The following ME1 variants were observed in gnomAD, a reference collection of about 807,000 sequenced individuals.
The protein encoded by ME1 is malic enzyme 1, also known as NADP-dependent malic enzyme.
A neutral mutation model predicts 66.4 loss-of-function variants in ME1; 74 were observed. That is an observed-to-expected ratio of 1.11 (90% CI 0.92 to 1.35). The LOEUF is 1.35. ME1 is among the 40% of genes most tolerant of loss of function. The pLI is 0.00. For synonymous variants in ME1, 251 were observed against 235.6 expected, an observed-to-expected ratio of 1.07 and a Z score of -0.60; for missense variants, 750 against 694.1, an observed-to-expected ratio of 1.08 and a Z score of -0.90.
chr6:83,412,131 C>T (rs146916231), intron 1 of ME1, among the ~76,000 whole-genome samples: 1 of 152,032 alleles, frequency 6.6e-6, no homozygotes, highest in Non-Finnish European at 1.5e-5. Context: ...GAAACTATTG[C>T]CATAAAAACA....
At chr6:83,277,682 A>G (rs1767208713) in intron 6 of ME1, among the ~76,000 whole-genome samples, 1 of 151,980 alleles carries the variant, frequency 6.6e-6, no homozygotes, top group Admixed American at 6.6e-5. Context: ...CAGGCAGATC[A>G]CTTGAGGTCA....
intron 6 of ME1, among the ~76,000 whole-genome samples, chr6:83,264,928 T>C (rs1419156516): frequency 6.6e-6 from 1 of 152,198 alleles, no homozygotes; most frequent in Non-Finnish European, 1.5e-5. Flanking sequence ...TTTGAAAGGA[T>C]TGACTCCAAT....
intron 6 of ME1, among the ~76,000 whole-genome samples, chr6:83,298,931 GTTTTTT>G (rs61055748): frequency 3.1e-4 from 7 of 22,490 alleles, no homozygotes; most frequent in African/African-American, 9.4e-4. Context: ...CTATGTGTCT[GTTTTTT>G]TTTTTTTTTT....
At chr6:83,398,875 G>A (rs919213269) in intron 2 of ME1, among the ~76,000 whole-genome samples, 7 of 151,952 alleles carry the variant, frequency 4.6e-5, no homozygotes, top group South Asian at 2.1e-4. Flanking sequence ...AGGCAGAGGC[G>A]GGTGGATCAC....
At chr6:83,255,047 T>C (rs1398279235) in intron 6 of ME1, among the ~76,000 whole-genome samples, 2 of 152,116 alleles carry the variant, frequency 1.3e-5, no homozygotes, top group Non-Finnish European at 2.9e-5. Flanking sequence ...ACTCTGTAAG[T>C]TTGTTATTTC....
intron 12 of ME1, among the ~76,000 whole-genome samples, chr6:83,222,175 T>C (rs946153194): frequency 1.3e-5 from 2 of 152,248 alleles, no homozygotes; most frequent in African/African-American, 4.8e-5. Flanking sequence ...ACATTTTCCT[T>C]AATGCAAAAG....
At chr6:83,382,782 T>TACAACCCAGAAGAGGGTCCTTACTGG (rs1769431410) in intron 3 of ME1, among the ~76,000 whole-genome samples, 1 of 151,986 alleles carries the variant, frequency 6.6e-6, no homozygotes, top group African/African-American at 2.4e-5. Context: ...ATAATCAATC[T>TACAACCCAGAAGAGGGTCCTTACTGG]AAGATAAGAA....
At chr6:83,284,255 C>CA (rs1180338923) in intron 6 of ME1, among the ~76,000 whole-genome samples, 1 of 151,820 alleles carries the variant, frequency 6.6e-6, no homozygotes, top group Non-Finnish European at 1.5e-5. Context: ...CCCTACCAAC[C>CA]AAAAAAATCC....
Position 83,224,011 on chromosome 6 carries a change from C to G in ME1, c.1276-78G>C, listed in dbSNP as rs1217215414. On this transcript the variant is annotated intron_variant, in intron 11 of 13. Coordinates refer to ENST00000369705, the MANE Select transcript of ME1 (RefSeq NM_002395.6). ...ACAAATGTATCATAACAGAACTACC[C>G]CACAGCCTAAATTATAAGTACTTAG... The G allele has an allele frequency of 3.2e-6, 4 of 1,244,460 alleles. No homozygotes were observed. In the Admixed American group the frequency reaches 8.9e-5, roughly 28 times the overall value. 77.1% of individuals were successfully genotyped at this position (1,244,460 alleles called of 1,614,324 possible).
intron 6 of ME1, among the ~76,000 whole-genome samples, chr6:83,297,765 G>A (rs1266236154): frequency 2.0e-5 from 3 of 152,082 alleles, no homozygotes; most frequent in Non-Finnish European, 4.4e-5. Context: ...ACAGGCCCCA[G>A]TGTGTGTTCT....
intron 1 of ME1, among the ~76,000 whole-genome samples, chr6:83,414,384 C>T (rs1363744922): frequency 6.6e-6 from 1 of 151,898 alleles, no homozygotes; most frequent in African/African-American, 2.4e-5. Context: ...GCTTTCATTC[C>T]ATAGTAATTA....
chr6:83,296,898 A>G (rs946517342), intron 6 of ME1, among the ~76,000 whole-genome samples: 4 of 152,178 alleles, frequency 2.6e-5, no homozygotes, highest in African/African-American at 9.6e-5. Context: ...GTTCTATTAA[A>G]GTGCTAAAAA....
At chr6:83,378,928 T>A in intron 3 of ME1, among the ~76,000 whole-genome samples, 1 of 152,212 alleles carries the variant, frequency 6.6e-6, no homozygotes, top group Non-Finnish European at 1.5e-5. Context: ...TTTTCTAGCA[T>A]GTACCTCATT....
chr6:83,223,942 A>C lies in ME1; in HGVS notation c.1276-9T>G. 6.2e-7 allele frequency: 1 copy of C among 1,612,812 alleles called. No individual in the cohort carries two copies. Among genetic ancestry groups the C allele is most frequent in the Non-Finnish European group, 8.5e-7 (1 of 1,179,230 alleles). On this transcript the variant is annotated splice_polypyrimidine_tract_variant and intron_variant, in intron 11 of 13. Coordinates refer to ENST00000369705, the MANE Select transcript of ME1 (RefSeq NM_002395.6). ...GCAAAAATTGCACGTCCCTACAACA[A>C]AGACACATACAACTCACTTTAAAAA...
intron 3 of ME1, among the ~76,000 whole-genome samples, chr6:83,390,452 C>T (rs929177022): frequency 2.0e-5 from 3 of 152,072 alleles, no homozygotes; most frequent in African/African-American, 7.2e-5. Flanking sequence ...ATGGAAGATC[C>T]ATCATTCACA....
intron 2 of ME1, among the ~76,000 whole-genome samples, chr6:83,405,839 A>G (rs1287090857): frequency 6.7e-6 from 1 of 148,740 alleles, no homozygotes; most frequent in Non-Finnish European, 1.5e-5. Context: ...CTCCTGCCTC[A>G]GCCTCCCAAG....
At chr6:83,255,554 T>C (rs1766749895) in intron 6 of ME1, among the ~76,000 whole-genome samples, 1 of 152,044 alleles carries the variant, frequency 6.6e-6, no homozygotes, top group Non-Finnish European at 1.5e-5. Context: ...AGAAAATAGT[T>C]AACCTCTAAA....
chr6:83,305,513 G>C (rs966664719), intron 6 of ME1, among the ~76,000 whole-genome samples: 2 of 152,072 alleles, frequency 1.3e-5, no homozygotes, highest in Non-Finnish European at 2.9e-5. Context: ...ACATTTCTGG[G>C]AGAAGAATAT....
intron 6 of ME1, among the ~76,000 whole-genome samples, chr6:83,270,199 T>G (rs1356102905): frequency 6.6e-6 from 1 of 152,152 alleles, no homozygotes. Context: ...TCCTATTTGA[T>G]TTTTCTAAGA....
Sources: allele counts gnomAD v4.1 joint callset (sites outside exome capture counted in the v4.1 genomes callset), GRCh38; gene constraint gnomAD v4.1.1; transcripts MANE v1.5; gene names NCBI Gene and HGNC (gene_info 2026-07-23, HGNC 2026-07-21).